The following RARB variants were observed in gnomAD, a reference collection of about 807,000 sequenced individuals.
RARB encodes HBV-activated protein.
RARB carries 17 observed loss-of-function variants against 51.9 expected under a neutral mutation model. That is an observed-to-expected ratio of 0.33 (90% CI 0.22 to 0.49). RARB has a LOEUF of 0.49. Ranked by LOEUF, RARB falls within the 20% of genes least tolerant of loss-of-function variation. RARB has a pLI of 0.99. For synonymous variants in RARB, 215 were observed against 195.4 expected, an observed-to-expected ratio of 1.10 and a Z score of -0.84; for missense variants, 369 against 550.8, an observed-to-expected ratio of 0.67 and a Z score of 3.30.
intron 3 of RARB, among the ~76,000 whole-genome samples, chr3:25,527,632 A>G (rs1698710307): frequency 6.6e-6 from 1 of 152,220 alleles, no homozygotes; most frequent in South Asian, 2.1e-4. Flanking sequence ...CCATCCAAGC[A>G]CAGGGTAAAT....
rs539230692 is a variant in RARB at position 25,237,613 on chromosome 3, C to T, written c.178+63038C>T. ...TTTAGTTATATATTATAAAGTTCAC[C>T]ATTTTAAAGTGTACAATCCAGTGAG... On this transcript the variant is annotated intron_variant, in intron 5 of 11. Transcript: ENST00000383772. Among the ~76,000 whole-genome samples the T allele has an allele frequency of 2.0e-5, 3 of 152,160 alleles. No homozygotes were observed. In the South Asian group the frequency reaches 6.2e-4, roughly 32 times the overall value.
chr3:25,582,474 G>A (rs1483738757), intron 5 of RARB, among the ~76,000 whole-genome samples: 1 of 151,852 alleles, frequency 6.6e-6, no homozygotes, highest in Admixed American at 6.6e-5. Flanking sequence ...TTGACCTTCT[G>A]CTTGTTTCTT....
At chr3:24,877,573 T>C (rs1450930860) in intron 2 of RARB, among the ~76,000 whole-genome samples, 1 of 152,134 alleles carries the variant, frequency 6.6e-6, no homozygotes, top group Non-Finnish European at 1.5e-5. Context: ...ACAGCCAAGA[T>C]ACCAGGTACA....
intron 5 of RARB, among the ~76,000 whole-genome samples, chr3:25,232,423 A>T (rs1042162140): frequency 6.6e-6 from 1 of 152,114 alleles, no homozygotes; most frequent in Admixed American, 6.5e-5. Flanking sequence ...CATCTTGGCA[A>T]TATTAATACT....
At chr3:25,079,547 A>C (rs1698948903) in intron 3 of RARB, among the ~76,000 whole-genome samples, 1 of 152,202 alleles carries the variant, frequency 6.6e-6, no homozygotes, top group South Asian at 2.1e-4. Context: ...TATTAAGTTA[A>C]GAGGGTTCCC....
intron 2 of RARB, among the ~76,000 whole-genome samples, chr3:24,992,791 C>T (rs1696940980): frequency 6.6e-6 from 1 of 152,110 alleles, no homozygotes; most frequent in African/African-American, 2.4e-5. Flanking sequence ...CCTCATTTTA[C>T]CTTCATTGTC....
intron 3 of RARB, among the ~76,000 whole-genome samples, chr3:25,117,982 C>T (rs1293543738): frequency 1.3e-5 from 2 of 152,104 alleles, no homozygotes; most frequent in Non-Finnish European, 2.9e-5. Context: ...GTCTTATCTC[C>T]TTTGTAAAGA....
At chr3:24,855,985 T>C (rs917181789) in intron 1 of RARB, among the ~76,000 whole-genome samples, 1 of 151,962 alleles carries the variant, frequency 6.6e-6, no homozygotes, top group African/African-American at 2.4e-5. Context: ...CTCCTGACCT[T>C]GTGATCCGCC....
intron 2 of RARB, among the ~76,000 whole-genome samples, chr3:25,034,093 T>C (rs1260095252): frequency 6.6e-6 from 1 of 151,982 alleles, no homozygotes; most frequent in Admixed American, 6.6e-5. Context: ...ACAATGGGAG[T>C]CAAGAATAGC....
chr3:24,859,050 A>G (rs1206769011), intron 2 of RARB, among the ~76,000 whole-genome samples: 1 of 91,542 alleles, frequency 1.1e-5, no homozygotes, highest in Admixed American at 1.3e-4. Context: ...AAAAAAAAAA[A>G]AAAAAAAGAA....
intron 3 of RARB, among the ~76,000 whole-genome samples, chr3:25,539,592 T>TC (rs1485754201): frequency 5.5e-4 from 80 of 146,196 alleles, no homozygotes; most frequent in African/African-American, 2.0e-3. Flanking sequence ...TTTTTTTTTT[T>TC]CTCTTGTTTT....
chr3:25,307,096 T>C (rs930676622), intron 5 of RARB, among the ~76,000 whole-genome samples: 4 of 152,162 alleles, frequency 2.6e-5, no homozygotes, highest in Admixed American at 6.5e-5. Flanking sequence ...TTAAAAATTA[T>C]AATATAGATC....
chr3:25,360,736 A>C (rs1002748880), intron 5 of RARB, among the ~76,000 whole-genome samples: 3 of 114,928 alleles, frequency 2.6e-5, no homozygotes, highest in African/African-American at 1.1e-4. Context: ...CTTCACTTAT[A>C]AAGCTTAGTT....
At chr3:25,280,387 C>T (rs1703493619) in intron 5 of RARB, among the ~76,000 whole-genome samples, 1 of 152,094 alleles carries the variant, frequency 6.6e-6, no homozygotes, top group Non-Finnish European at 1.5e-5. Flanking sequence ...GACTTTGCTG[C>T]TTCTGCTGTT....
chr3:25,197,498 A>G (rs376054438), intron 5 of RARB, among the ~76,000 whole-genome samples: 17 of 152,112 alleles, frequency 1.1e-4, no homozygotes, highest in African/African-American at 2.4e-4. Context: ...GAGGAAGTCA[A>G]TGTATCCTTG....
At chr3:25,304,775 GCAAGT>G (rs1230621056) in intron 5 of RARB, among the ~76,000 whole-genome samples, 3 of 152,128 alleles carry the variant, frequency 2.0e-5, no homozygotes, top group African/African-American at 4.8e-5. Flanking sequence ...CTTTTACAAT[GCAAGT>G]CAAGTCATGT....
intron 3 of RARB, among the ~76,000 whole-genome samples, chr3:25,555,886 A>C (rs1451293393): frequency 6.6e-6 from 1 of 152,182 alleles, no homozygotes; most frequent in Non-Finnish European, 1.5e-5. Context: ...ATTAAAAGGG[A>C]AAGAAAGCCC....
chr3:25,353,692 T>C (rs963104138), intron 5 of RARB, among the ~76,000 whole-genome samples: 1 of 152,044 alleles, frequency 6.6e-6, no homozygotes, highest in African/African-American at 2.4e-5. Flanking sequence ...GTGGCCATGA[T>C]TGACAGATAC....
intron 2 of RARB, among the ~76,000 whole-genome samples, chr3:25,033,253 T>TA (rs1697911631): frequency 6.6e-6 from 1 of 152,186 alleles, no homozygotes; most frequent in African/African-American, 2.4e-5. Flanking sequence ...ACCAGAAACT[T>TA]ACAAGCAAGT....
Sources: allele counts gnomAD v4.1 joint callset (sites outside exome capture counted in the v4.1 genomes callset), GRCh38; gene constraint gnomAD v4.1.1; transcripts MANE v1.5; gene names NCBI Gene and HGNC (gene_info 2026-07-23, HGNC 2026-07-21).